ZNF704: variants seen among roughly 807,000 people sequenced by gnomAD.
ZNF704 encodes the protein glucocorticoid induced gene 1.
ZNF704 carries 10 observed loss-of-function variants against 44.7 expected under a neutral mutation model. That is an observed-to-expected ratio of 0.22 (90% CI 0.14 to 0.38). The LOEUF (loss-of-function observed/expected upper bound fraction) is 0.38, where lower values mean the gene tolerates loss of function less well. ZNF704 is among the 10% of genes least tolerant of loss of function. ZNF704 has a pLI of 1.00. For missense variants in ZNF704, 390 were observed against 545.5 expected (o/e 0.71, Z 2.84); for synonymous variants, 211 against 207.6 (o/e 1.02, Z -0.14).
chr8:80,771,048 G>A lies in ZNF704; in HGVS notation c.221+50326C>T, dbSNP rs571714035. Among the ~76,000 whole-genome samples, 64 of 152,146 alleles carry A rather than the reference G, an allele frequency of 4.2e-4. No individual in the cohort carries two copies. The South Asian group carries it at 6.2e-3, about 15-fold the overall frequency. ...TAGGCTCATTTGTGTGTCTGTTTCT[G>A]AATTCTTTATTCTGTTGCATTCATC... is the stretch of plus-strand genomic sequence containing the variant. On this transcript the variant is annotated intron_variant, in intron 2 of 8. Transcript: ENST00000327835.
intron 2 of ZNF704, among the ~76,000 whole-genome samples, chr8:80,734,879 T>G (rs1054803033): frequency 4.6e-5 from 7 of 152,308 alleles, no homozygotes; most frequent in Admixed American, 2.0e-4. Context: ...AAAAGGAGAG[T>G]ATGCTTCCAA....
At chr8:80,811,601 T>C (rs1353566366) in intron 2 of ZNF704, among the ~76,000 whole-genome samples, 1 of 152,214 alleles carries the variant, frequency 6.6e-6, no homozygotes, top group Non-Finnish European at 1.5e-5. Flanking sequence ...TTAGTGGCTA[T>C]CGAAAATACC....
intron 5 of ZNF704, 86 bp from the exon 6 acceptor site, chr8:80,665,168 G>A (rs1818170601): frequency 2.1e-6 from 3 of 1,458,158 alleles, no homozygotes; most frequent in African/African-American, 1.4e-5. Context: ...CCCTCTGTCT[G>A]GAATGCTTTT....
At chr8:80,660,567 T>A (rs1173916096) in intron 6 of ZNF704, among the ~76,000 whole-genome samples, 2 of 151,462 alleles carry the variant, frequency 1.3e-5, no homozygotes, top group African/African-American at 4.8e-5. Context: ...TTCAAAATGT[T>A]GTTAAAATGG....
intron 5 of ZNF704, among the ~76,000 whole-genome samples, chr8:80,666,115 G>T (rs1215582946): frequency 3.1e-5 from 3 of 95,320 alleles, no homozygotes; most frequent in Admixed American, 1.4e-4. Context: ...CCCTTCCCCC[G>T]CCCCCCACCC....
At chr8:80,768,854 T>G (rs894566431) in intron 2 of ZNF704, among the ~76,000 whole-genome samples, 1 of 152,202 alleles carries the variant, frequency 6.6e-6, no homozygotes, top group African/African-American at 2.4e-5. Context: ...TTCTTTCTTC[T>G]TCTGGAGAGC....
chr8:80,721,022 C>G (rs1344865793), intron 2 of ZNF704, among the ~76,000 whole-genome samples: 1 of 152,204 alleles, frequency 6.6e-6, no homozygotes, highest in African/African-American at 2.4e-5. Flanking sequence ...GTGACCACCA[C>G]CCTTCTTGTA....
rs1420324552 is a variant in ZNF704, at chr8:80,634,243, C to T, written c.*7123G>A. The T allele has an allele frequency of 6.6e-6, 1 of 152,246 alleles. No homozygotes were observed. The highest frequency in any genetic ancestry group is 1.9e-4 in the East Asian group (1 of 5,202). The allele number at this position is 152,246 out of a possible 1,614,324, so 9.4% of individuals were successfully genotyped here. A position where few individuals can be genotyped will look rare whatever the true frequency, so the allele number is the denominator to read the frequency against. ...GAAAATTAGGATAACAGTGATTCAA[C>T]ACTTTACGGGGCACAGCCTGGGCAT... On this transcript the variant is annotated 3_prime_UTR_variant, in exon 9 of 9. Transcript: ENST00000327835.
At chr8:80,698,605 T>C (rs1180117341) in intron 2 of ZNF704, among the ~76,000 whole-genome samples, 1 of 152,174 alleles carries the variant, frequency 6.6e-6, no homozygotes, top group Non-Finnish European at 1.5e-5. Context: ...AAAAAGCTCA[T>C]TTTGGCTGCC....
chr8:80,733,201 T>A (rs1421916441), intron 2 of ZNF704, among the ~76,000 whole-genome samples: 1 of 152,186 alleles, frequency 6.6e-6, no homozygotes, highest in Non-Finnish European at 1.5e-5. Context: ...CAGTCTTTTT[T>A]AATCTCATAG....
intron 2 of ZNF704, among the ~76,000 whole-genome samples, chr8:80,722,582 C>T (rs1424598824): frequency 6.6e-6 from 1 of 152,212 alleles, no homozygotes; most frequent in Non-Finnish European, 1.5e-5. Context: ...TAATCCTTTA[C>T]ATTTAAAAAA....
chr8:80,652,683 A>C, intron 7 of ZNF704, among the ~76,000 whole-genome samples: 1 of 152,080 alleles, frequency 6.6e-6, no homozygotes, highest in East Asian at 1.9e-4. Flanking sequence ...TTAATAGCTT[A>C]CCAACCAAAA....
chr8:80,639,138 T>C lies in ZNF704; in HGVS notation c.*2228A>G, dbSNP rs1361709288. ...TTTATACTTCATGACTTGAATCTTTTTCTATTAGTAACAGTCCAACGATCA... is the reference window on the plus strand; with the variant it reads ...TTTATACTTCATGACTTGAATCTTTCTCTATTAGTAACAGTCCAACGATCA... On this transcript the variant is annotated 3_prime_UTR_variant, in exon 9 of 9. Transcript: ENST00000327835. The C allele has an allele frequency of 4.6e-5, 7 of 152,314 alleles. No homozygotes were observed. The highest frequency in any genetic ancestry group is 1.7e-4 in the African/African-American group (7 of 41,466). The allele number at this position is 152,314 out of a possible 1,614,324, so 9.4% of individuals were successfully genotyped here.
chr8:80,703,851 CA>C (rs1352474800), intron 2 of ZNF704, among the ~76,000 whole-genome samples: 1 of 152,174 alleles, frequency 6.6e-6, no homozygotes, highest in Non-Finnish European at 1.5e-5. Flanking sequence ...GGAGAAGTGG[CA>C]GGGGGAAGCA....
intron 1 of ZNF704, among the ~76,000 whole-genome samples, chr8:80,824,113 A>G (rs1479893989): frequency 6.6e-6 from 1 of 152,188 alleles, no homozygotes; most frequent in Non-Finnish European, 1.5e-5. Context: ...GATGATTGGT[A>G]GTAACAAACT....
At chr8:80,881,950 A>AG in the ZNF704 span, among the ~76,000 whole-genome samples, 2 of 152,338 alleles carry the variant, frequency 1.3e-5, no homozygotes, top group East Asian at 3.9e-4. Context: ...AATTAAAAAA[A>AG]GTGTATTCAA....
chr8:80,675,360 G>C (rs1259516389), intron 4 of ZNF704, among the ~76,000 whole-genome samples: 1 of 152,226 alleles, frequency 6.6e-6, no homozygotes, highest in Admixed American at 6.5e-5. Context: ...CAGAAGCAGG[G>C]TCAGATCATG....
At position 80,639,982 on chromosome 8, in the gene ZNF704, C is replaced by T. The variant is rs1168118585; in HGVS notation, c.*1384G>A. 2 of 152,456 alleles carry T rather than the reference C, an allele frequency of 1.3e-5. No individual in the cohort carries two copies. The allele number at this position is 152,456 out of a possible 1,614,324, so 9.4% of individuals were successfully genotyped here. ...GCTTATTTATAGGGCTTGACGACTC[C>T]CCTCTCCCCACACCACTATCCCCCA... On this transcript the variant is annotated 3_prime_UTR_variant, in exon 9 of 9. Transcript: ENST00000327835.
At chr8:80,846,810 A>G (rs1172428148) in intron 1 of ZNF704, among the ~76,000 whole-genome samples, 1 of 152,216 alleles carries the variant, frequency 6.6e-6, no homozygotes, top group East Asian at 1.9e-4. Flanking sequence ...TGCAGGATAC[A>G]AGATCAACAT....
Sources: allele counts gnomAD v4.1 joint callset (sites outside exome capture counted in the v4.1 genomes callset), GRCh38; gene constraint gnomAD v4.1.1; transcripts MANE v1.5; gene names NCBI Gene and HGNC (gene_info 2026-07-23, HGNC 2026-07-21).